Variants in KIAA1217 observed in about 807,000 individuals in gnomAD.
The protein encoded by KIAA1217 is sickle tail protein homolog.
A neutral mutation model predicts 163.9 loss-of-function variants in KIAA1217; 88 were observed. The ratio of observed to expected loss-of-function variants is 0.54; its 90% CI spans 0.45 to 0.64. The LOEUF is 0.64. Ranked by LOEUF, KIAA1217 falls within the 30% of genes least tolerant of loss-of-function variation. KIAA1217 has a pLI of 0.00. For missense variants in KIAA1217, 2,372 were observed against 2,475.0 expected, an observed-to-expected ratio of 0.96 and a Z score of 0.88; for synonymous variants, 903 against 923.1, an observed-to-expected ratio of 0.98 and a Z score of 0.39.
In KIAA1217 at chr10:23,958,657, GAA is replaced by G. The variant is rs753703492; in HGVS notation, c.-320-48566_-320-48565del. 2.0e-4 allele frequency among the ~76,000 whole-genome samples: 30 copies of G among 152,192 alleles called. No homozygotes were observed. The East Asian group carries it at 5.4e-3, about 27-fold the overall frequency. On this transcript the variant is annotated intron_variant, in intron 1 of 18. Transcript: ENST00000376462. ...TTTCTAAATTTTCTGGAAAATGAGA[GAA>G]AGAGAGAGAGAGAGAGAGTGAGAGA...
At chr10:23,752,787 T>C (rs1467030415) in intron 1 of KIAA1217, among the ~76,000 whole-genome samples, 2 of 152,198 alleles carry the variant, frequency 1.3e-5, no homozygotes, top group African/African-American at 4.8e-5. Flanking sequence ...TCAGTGTCTT[T>C]AGATTGCTGG....
chr10:24,251,011 G>T (rs2074440966), intron 2 of KIAA1217, among the ~76,000 whole-genome samples: 1 of 151,864 alleles, frequency 6.6e-6, no homozygotes, highest in African/African-American at 2.4e-5. Context: ...TGGATCACCT[G>T]AGGTCAGGGG....
At chr10:23,749,680 T>G (rs117833287) in intron 1 of KIAA1217, among the ~76,000 whole-genome samples, 2,642 of 152,338 alleles carry the variant, frequency 0.017, 27 homozygotes, top group Non-Finnish European at 0.026. Flanking sequence ...GCTGGGATTA[T>G]AGGCGTGAGC....
chr10:24,078,874 A>G lies in KIAA1217; in HGVS notation c.-171+71500A>G, dbSNP rs376895678. On this transcript the variant is annotated intron_variant, in intron 2 of 18. Transcript: ENST00000376462. ...TGGGCAATGCCCCCACATCCTTCAA[A>G]TCCTCCTTCTGTTTAAACCAGCGCA... is the stretch of plus-strand genomic sequence containing the variant. Among the ~76,000 whole-genome samples the G allele has an allele frequency of 2.0e-4, 31 of 152,278 alleles. No individual in the cohort carries two copies. In the East Asian group the frequency reaches 5.2e-3, roughly 26 times the overall value.
chr10:24,378,986 A>G (rs1212490307), intron 2 of KIAA1217, among the ~76,000 whole-genome samples: 3 of 152,232 alleles, frequency 2.0e-5, no homozygotes, highest in Non-Finnish European at 4.4e-5. Context: ...ACCTTCTGCA[A>G]TGGAAAATGA....
intron 1 of KIAA1217, 62 bp downstream of exon 1, chr10:24,209,325 CT>C: frequency 8.2e-7 from 1 of 1,218,300 alleles, no homozygotes; most frequent in Non-Finnish European, 1.2e-6. Flanking sequence ...CCGCTTGCTG[CT>C]TTTTATAAAC....
chr10:24,313,371 A>G (rs932496216), intron 2 of KIAA1217, among the ~76,000 whole-genome samples: 2 of 152,118 alleles, frequency 1.3e-5, no homozygotes, highest in African/African-American at 4.8e-5. Flanking sequence ...GCTTGAGGAG[A>G]GTAGCCTGGC....
At chr10:24,513,965 A>G (rs1015950607) in intron 10 of KIAA1217, among the ~76,000 whole-genome samples, 1 of 152,236 alleles carries the variant, frequency 6.6e-6, no homozygotes, top group African/African-American at 2.4e-5. Flanking sequence ...TCTTCCTATT[A>G]TTCAACTGTA....
Position 24,542,688 on chromosome 10 carries a change from A to G in KIAA1217, c.3535-5A>G, listed in dbSNP as rs2075271067. On this transcript the variant is annotated splice_polypyrimidine_tract_variant and splice_region_variant and intron_variant, in intron 17 of 20. Transcript: ENST00000376454. ...GGAGTAACATGTCCTACACTATTCTACCAGAATTTGGAATTTTTCCATGAA... is the reference window on the plus strand; with the variant it reads ...GGAGTAACATGTCCTACACTATTCTGCCAGAATTTGGAATTTTTCCATGAA... 1 of 1,613,600 alleles carries G rather than the reference A, an allele frequency of 6.2e-7. No individual in the cohort carries two copies. The highest frequency in any genetic ancestry group is 1.3e-5 in the African/African-American group (1 of 75,016).
Position 24,150,670 on chromosome 10 carries a change from A to G in KIAA1217, c.-170-68956A>G, listed in dbSNP as rs77447811. Among the ~76,000 whole-genome samples the G allele has an allele frequency of 3.6e-3, 544 of 152,332 alleles. 3 individuals carry two copies. Among genetic ancestry groups the G allele is most frequent in the African/African-American group, 0.012 (512 of 41,568 alleles). ...TTTATAGATAATCAACTGGATATGC[A>G]GTAAAATAGCCAAGGACACATCAGC... On this transcript the variant is annotated intron_variant, in intron 2 of 18. Coordinates refer to the KIAA1217 transcript ENST00000376462.
chr10:24,486,517 T>C (rs894098052), intron 6 of KIAA1217, among the ~76,000 whole-genome samples: 1 of 152,166 alleles, frequency 6.6e-6, no homozygotes, highest in Non-Finnish European at 1.5e-5. Context: ...TCTGACATCA[T>C]TTCAATCACC....
chr10:24,123,156 G>GTC (rs1185054662), intron 2 of KIAA1217, among the ~76,000 whole-genome samples: 13 of 151,576 alleles, frequency 8.6e-5, no homozygotes, highest in Admixed American at 3.3e-4. Context: ...GTGTGTGTGT[G>GTC]TGTGTGATAA....
In KIAA1217 at chr10:23,695,564, C is replaced by T. The variant is rs1835972575; in HGVS notation, c.-321+330C>T. 6.6e-6 allele frequency among the ~76,000 whole-genome samples: 1 copy of T among 152,116 alleles called. No individual in the cohort carries two copies. Among genetic ancestry groups the T allele is most frequent in the African/African-American group, 2.4e-5 (1 of 41,446 alleles). ...GTCACACCTATCCTGGTGACCTTGG[C>T]GTGCCCCCCTGGAGTGGCGAGCCAG... On this transcript the variant is annotated intron_variant, in intron 1 of 18. Coordinates refer to the KIAA1217 transcript ENST00000376462. This position sits in a 1 kb window ranked among gnomAD's most constrained non-coding sequence, Gnocchi z 4.9.
intron 2 of KIAA1217, among the ~76,000 whole-genome samples, chr10:24,163,618 T>C (rs991291173): frequency 2.0e-5 from 3 of 152,226 alleles, no homozygotes; most frequent in Non-Finnish European, 2.9e-5. Context: ...CACAATAACA[T>C]ACTGTTATTT....
chr10:24,094,750 T>C (rs2062080664), intron 2 of KIAA1217, among the ~76,000 whole-genome samples: 1 of 152,214 alleles, frequency 6.6e-6, no homozygotes, highest in African/African-American at 2.4e-5. Flanking sequence ...GGAGAACCAC[T>C]GCTCTCTTCA....
intron 5 of KIAA1217, among the ~76,000 whole-genome samples, chr10:24,469,556 T>C (rs1236239919): frequency 6.6e-6 from 1 of 152,198 alleles, no homozygotes; most frequent in Non-Finnish European, 1.5e-5. Context: ...GAACAGGGAA[T>C]AGTGACTGAC....
At chr10:24,411,909 T>C (rs962315427) in intron 3 of KIAA1217, among the ~76,000 whole-genome samples, 1 of 152,054 alleles carries the variant, frequency 6.6e-6, no homozygotes, top group Non-Finnish European at 1.5e-5. Flanking sequence ...CTAATGGGAA[T>C]TGATGCTTTT....
Position 24,121,994 on chromosome 10 carries a change from A to T in KIAA1217, c.-170-97632A>T, listed in dbSNP as rs1231355508. Among the ~76,000 whole-genome samples, 7 of 152,112 alleles carry T rather than the reference A, an allele frequency of 4.6e-5. No homozygotes were observed. The South Asian group carries it at 6.2e-4, about 14-fold the overall frequency. On this transcript the variant is annotated intron_variant, in intron 2 of 18. Coordinates refer to the KIAA1217 transcript ENST00000376462. ...TCTTGATGCTTTGTGTTCAATTTTT[A>T]AAATTATTTTTTAATTTCAATTTTT...
chr10:23,810,557 G>C lies in KIAA1217; in HGVS notation c.-321+115323G>C, dbSNP rs770361199. On this transcript the variant is annotated intron_variant, in intron 1 of 18. Coordinates refer to the KIAA1217 transcript ENST00000376462. ...GTATATATAGTATAATCTATATATA[G>C]TATATATAGTATAATCTATATATAA... Among the ~76,000 whole-genome samples the C allele has an allele frequency of 3.1e-4, 40 of 127,424 alleles. 1 individual carries two copies. Among genetic ancestry groups the C allele is most frequent in the Admixed American group, 2.6e-4 (3 of 11,704 alleles). The allele number at this position is 127,424 out of a possible 152,430, so 83.6% of individuals were successfully genotyped here.
Sources: allele counts gnomAD v4.1 joint callset (sites outside exome capture counted in the v4.1 genomes callset), GRCh38; gene constraint gnomAD v4.1.1; non-coding constraint Gnocchi (gnomAD v3.1); transcripts MANE v1.5; gene names NCBI Gene and HGNC (gene_info 2026-07-23, HGNC 2026-07-21).